Variants in PCDHB6 observed in about 807,000 individuals in gnomAD.
PCDHB6 encodes protocadherin beta-6.
For missense variants in PCDHB6, 1,137 were observed against 1,010.1 expected (o/e 1.13, Z -1.70); for synonymous variants, 506 against 459.0 (o/e 1.10, Z -1.31).
In PCDHB6 at chr5:141,150,337, C is replaced by G; in HGVS notation, c.80C>G (p.Ser27Cys). The change falls in exon 1 of 1, where the codon TCT (serine) becomes TGT (cysteine). Residue 27 changes from serine (S) to cysteine (C), a missense_variant. Transcript: ENST00000231136. Reference protein sequence around the residue: ...ILLMLWGEVGSESIQYSVLEE... With the variant: ...ILLMLWGEVGCESIQYSVLEE... ...TTGATGCTTTGGGGAGAGGTGGGTTCTGAATCGATTCAGTATTCCGTATTG... is the reference window on the plus strand; with the variant it reads ...TTGATGCTTTGGGGAGAGGTGGGTTGTGAATCGATTCAGTATTCCGTATTG... 6.2e-7 allele frequency: 1 copy of G among 1,614,092 alleles called. No homozygotes were observed. The highest frequency in any genetic ancestry group is 8.5e-7 in the Non-Finnish European group (1 of 1,180,020).
At position 141,151,155 on chromosome 5, in the gene PCDHB6, C is replaced by T. The variant is rs202105832; in HGVS notation, c.898C>T (p.Arg300Trp). 185 of 1,614,166 alleles carry T rather than the reference C, an allele frequency of 1.1e-4. 1 individual carries two copies. In the South Asian group the frequency reaches 1.9e-3, roughly 17 times the overall value. ...FEINAITGEIRLRKALDFEEI... is the reference protein window; with the variant it reads ...FEINAITGEIWLRKALDFEEI... ...AATAAACGCAATCACAGGAGAAATT[C>T]GGCTGAGAAAGGCTTTGGATTTTGA... The change falls in exon 1 of 1, where the codon CGG (arginine) becomes TGG (tryptophan). Residue 300 changes from arginine to tryptophan, a missense_variant. Transcript: ENST00000231136.
chr5:141,151,870 C>T lies in PCDHB6; in HGVS notation c.1613C>T (p.Ala538Val), dbSNP rs781822480. The T allele has an allele frequency of 6.2e-7, 1 of 1,612,038 alleles. No individual in the cohort carries two copies. Among genetic ancestry groups the T allele is most frequent in the Non-Finnish European group, 8.5e-7 (1 of 1,179,834 alleles). Residue 538 changes from alanine (A) to valine (V), a missense_variant, in exon 1 of 1, where the codon GCG (alanine) becomes GTG (valine). By Grantham distance (64) the Ala-to-Val change is moderately conservative. Transcript: ENST00000231136. ...GGCGCCACAGACCGCGGCTCCCCGG[C>T]GTTGAGCAGCGAGGCGCTGGTGCGC... ...RVGATDRGSP[A>V]LSSEALVRLL...
chr5:141,150,983 T>C lies in PCDHB6; in HGVS notation c.726T>C (p.Ala242=). 4 of 1,614,032 alleles carry C rather than the reference T, an allele frequency of 2.5e-6. No homozygotes were observed. The highest frequency in any genetic ancestry group is 2.5e-6 in the Non-Finnish European group (3 of 1,180,024). The part of the protein sequence containing the change: ...LDINDNVPEF[A]QELYEAQVPE... ...TCAATGACAACGTCCCCGAGTTTGC[T>C]CAGGAGCTCTATGAAGCACAAGTCC... is the stretch of plus-strand genomic sequence containing the variant. The change falls in exon 1 of 1, where the codon GCT becomes GCC. Residue 242 remains alanine (A), a synonymous_variant. Transcript: ENST00000231136.
Position 141,151,538 on chromosome 5 carries a change from A to C in PCDHB6, c.1281A>C (p.Pro427=). 2.5e-6 allele frequency: 4 copies of C among 1,614,172 alleles called. No individual in the cohort carries two copies. The highest frequency in any genetic ancestry group is 1.1e-5 in the South Asian group (1 of 91,080). Residue 427 remains proline, a synonymous_variant, in exon 1 of 1, where the codon CCA becomes CCC. Transcript: ENST00000231136. ...TCACGGTCACTGATTTGGGGACACC[A>C]AGGCTGAAAACCCAGCAGAGCATAA... ...ITITVTDLGT[P]RLKTQQSITV...
Position 141,151,633 on chromosome 5 carries a change from G to C in PCDHB6, c.1376G>C (p.Arg459Pro), listed in dbSNP as rs199646293. Residue 459 changes from arginine (R) to proline (P), a missense_variant, in exon 1 of 1, where the codon CGC becomes CCC. Physicochemically the swap from Arg to Pro is moderately radical, Grantham distance 103. Transcript: ENST00000231136. ...FTQTSYTLFV[R>P]ENNSPALHIG... ...CAAACCTCCTACACCCTGTTCGTCC[G>C]CGAGAACAACAGCCCCGCCCTGCAC... 6.2e-7 allele frequency: 1 copy of C among 1,613,590 alleles called. No homozygotes were observed.
chr5:141,150,989 G>A lies in PCDHB6; in HGVS notation c.732G>A (p.Glu244=). 6.2e-7 allele frequency: 1 copy of A among 1,614,144 alleles called. No homozygotes were observed. The highest frequency in any genetic ancestry group is 8.5e-7 in the Non-Finnish European group (1 of 1,180,024). The change falls in exon 1 of 1, where the codon GAG becomes GAA. Residue 244 remains glutamate (E), a synonymous_variant. Coordinates refer to ENST00000231136, the MANE Select transcript of PCDHB6 (RefSeq NM_018939.4). ...ACAACGTCCCCGAGTTTGCTCAGGA[G>A]CTCTATGAAGCACAAGTCCCTGAGA... ...INDNVPEFAQ[E]LYEAQVPENN... is the part of the protein sequence containing the mutation.
chr5:141,150,831 G>C lies in PCDHB6; in HGVS notation c.574G>C (p.Glu192Gln). The change falls in exon 1 of 1, where the codon GAG becomes CAG. Residue 192 changes from glutamate to glutamine, a missense_variant. Transcript: ENST00000231136. ...RNRSEGRKFP[E>Q]LVLDKPLDRE... ...TCGCAGCGAAGGCAGGAAGTTCCCG[G>C]AGCTGGTGCTAGACAAACCGTTGGA... is the stretch of plus-strand genomic sequence containing the variant. 6.2e-7 allele frequency: 1 copy of C among 1,614,200 alleles called. No homozygotes were observed. The highest frequency in any genetic ancestry group is 1.1e-5 in the South Asian group (1 of 91,082).
At position 141,152,632 on chromosome 5, in the gene PCDHB6, C is replaced by A. The variant is rs371568945; in HGVS notation, c.2375C>A (p.Pro792Gln). ...EETPTSRNSFPFS is the reference protein window; with the variant it reads ...EETPTSRNSFQFS ...ACCCCCACCTCTCGGAATAGCTTCC[C>A]GTTCAGTTAAGTGTGGGATTATTTT... The change falls in exon 1 of 1, where the codon CCG becomes CAG. Residue 792 changes from proline (P) to glutamine (Q), a missense_variant. Transcript: ENST00000231136. The A allele has an allele frequency of 1.3e-6, 2 of 1,592,174 alleles. No homozygotes were observed. The highest frequency in any genetic ancestry group is 1.4e-5 in the African/African-American group (1 of 73,910).
chr5:141,152,159 C>T lies in PCDHB6; in HGVS notation c.1902C>T (p.Ala634=), dbSNP rs1306121273. The T allele has an allele frequency of 1.2e-6, 2 of 1,608,122 alleles. No individual in the cohort carries two copies. Among genetic ancestry groups the T allele is most frequent in the African/African-American group, 1.3e-5 (1 of 74,796 alleles). The change falls in exon 1 of 1, where the codon GCC becomes GCT. Residue 634 remains alanine, a synonymous_variant. Coordinates refer to ENST00000231136, the MANE Select transcript of PCDHB6 (RefSeq NM_018939.4). ...GGCTGCTGAGCGAGCGAGACGCAGCCAAGCACAGGCTGGTGGTGCTTGTCA... is the reference window on the plus strand; with the variant it reads ...GGCTGCTGAGCGAGCGAGACGCAGCTAAGCACAGGCTGGTGGTGCTTGTCA... The part of the protein sequence containing the change: ...TARLLSERDA[A]KHRLVVLVKD...
At position 141,152,096 on chromosome 5, in the gene PCDHB6, C is replaced by T. The variant is rs528095699; in HGVS notation, c.1839C>T (p.Phe613=). Residue 613 remains phenylalanine, a synonymous_variant, in exon 1 of 1, where the codon TTC becomes TTT. Transcript: ENST00000231136. ...QLLKATELGL[F]GVWAHNGEVR... ...TCAAGGCCACGGAGCTCGGTCTGTTCGGCGTGTGGGCGCACAATGGCGAGG... is the reference window on the plus strand; with the variant it reads ...TCAAGGCCACGGAGCTCGGTCTGTTTGGCGTGTGGGCGCACAATGGCGAGG... The T allele has an allele frequency of 1.2e-6, 2 of 1,606,722 alleles. No homozygotes were observed. Among genetic ancestry groups the T allele is most frequent in the South Asian group, 1.1e-5 (1 of 90,966 alleles).
Position 141,152,019 on chromosome 5 carries a change from G to A in PCDHB6, c.1762G>A (p.Val588Met), listed in dbSNP as rs1752889160. Residue 588 changes from valine to methionine, a missense_variant, in exon 1 of 1, where the codon GTG (valine) becomes ATG (methionine). Val to Met is a conservative substitution (Grantham distance 21). Coordinates refer to ENST00000231136, the MANE Select transcript of PCDHB6 (RefSeq NM_018939.4). ...AEPGYLVTKV[V>M]AVDGDSGQNA... Reference sequence around the variant, plus strand: ...GCCGGGCTACCTGGTGACCAAGGTGGTGGCGGTGGACGGCGACTCGGGCCA... The same window carrying A: ...GCCGGGCTACCTGGTGACCAAGGTGATGGCGGTGGACGGCGACTCGGGCCA... 4 of 1,608,552 alleles carry A rather than the reference G, an allele frequency of 2.5e-6. No individual in the cohort carries two copies. Among genetic ancestry groups the A allele is most frequent in the Non-Finnish European group, 3.4e-6 (4 of 1,179,366 alleles).
rs782033966 is a variant in PCDHB6 at position 141,150,549 on chromosome 5, A to G, written c.292A>G (p.Thr98Ala). 2.5e-6 allele frequency: 4 copies of G among 1,614,150 alleles called. No individual in the cohort carries two copies. The highest frequency in any genetic ancestry group is 3.4e-6 in the Non-Finnish European group (4 of 1,179,978). The change falls in exon 1 of 1, where the codon ACT (threonine) becomes GCT (alanine). Residue 98 changes from threonine (T) to alanine (A), a missense_variant. Physicochemically the swap from Thr to Ala is moderately conservative, Grantham distance 58. Transcript: ENST00000231136. ...GGACCGGGAGGAGCTGTGTGGCTCC[A>G]CTGAGCCGTGTGTGCTACCTTTCCA... The part of the protein sequence containing the change: ...KLDREELCGS[T>A]EPCVLPFQVL...
At position 141,151,700 on chromosome 5, in the gene PCDHB6, C is replaced by T. The variant is rs782588902; in HGVS notation, c.1443C>T (p.Asn481=). The change falls in exon 1 of 1, where the codon AAC becomes AAT. Residue 481 remains asparagine (N), a synonymous_variant. Coordinates refer to ENST00000231136, the MANE Select transcript of PCDHB6 (RefSeq NM_018939.4). ...VSATDRDSGI[N]AQVTYSLLPP... ...CCACAGACAGAGACTCAGGCATCAA[C>T]GCCCAGGTCACCTACTCGCTGCTGC... 1 of 1,613,252 alleles carries T rather than the reference C, an allele frequency of 6.2e-7. No homozygotes were observed. Among genetic ancestry groups the T allele is most frequent in the Middle Eastern group, 1.9e-4 (1 of 5,256 alleles).
In PCDHB6 at chr5:141,151,565, T is replaced by A; in HGVS notation, c.1308T>A (p.Thr436=). 1 of 1,614,054 alleles carries A rather than the reference T, an allele frequency of 6.2e-7. No individual in the cohort carries two copies. The highest frequency in any genetic ancestry group is 1.3e-5 in the African/African-American group (1 of 75,004). The change falls in exon 1 of 1, where the codon ACT becomes ACA. Residue 436 remains threonine, a synonymous_variant. Coordinates refer to ENST00000231136, the MANE Select transcript of PCDHB6 (RefSeq NM_018939.4). ...TPRLKTQQSI[T]VQVSDVNDNA... Reference sequence around the variant, plus strand: ...GGCTGAAAACCCAGCAGAGCATAACTGTGCAGGTCTCCGACGTCAATGACA... The same window carrying A: ...GGCTGAAAACCCAGCAGAGCATAACAGTGCAGGTCTCCGACGTCAATGACA...
chr5:141,151,391 G>A lies in PCDHB6; in HGVS notation c.1134G>A (p.Gln378=), dbSNP rs782060063. 3.1e-6 allele frequency: 5 copies of A among 1,614,070 alleles called. No individual in the cohort carries two copies. The highest frequency in any genetic ancestry group is 8.5e-7 in the Non-Finnish European group (1 of 1,180,022). ...VSDADSGHNQ[Q]VICSIENNLP... ...ATGCAGACTCTGGACATAACCAACA[G>A]GTTATTTGTTCAATAGAGAACAATC... Residue 378 remains glutamine, a synonymous_variant, in exon 1 of 1, where the codon CAG becomes CAA. Coordinates refer to ENST00000231136, the MANE Select transcript of PCDHB6 (RefSeq NM_018939.4).
At position 141,150,800 on chromosome 5, in the gene PCDHB6, C is replaced by T; in HGVS notation, c.543C>T (p.Thr181=). 6.2e-7 allele frequency: 1 copy of T among 1,614,210 alleles called. No homozygotes were observed. Among genetic ancestry groups the T allele is most frequent in the Non-Finnish European group, 8.5e-7 (1 of 1,180,042 alleles). The change falls in exon 1 of 1, where the codon ACC becomes ACT. Residue 181 remains threonine, a synonymous_variant. Transcript: ENST00000231136. Reference sequence around the variant, plus strand: ...CCAACCCTCACTTCCACGTTCTCACCCGCAATCGCAGCGAAGGCAGGAAGT... The same window carrying T: ...CCAACCCTCACTTCCACGTTCTCACTCGCAATCGCAGCGAAGGCAGGAAGT... ...ISSNPHFHVL[T]RNRSEGRKFP... is the part of the protein sequence containing the mutation.
At position 141,152,584 on chromosome 5, in the gene PCDHB6, G is replaced by A. The variant is rs17844444; in HGVS notation, c.2327G>A (p.Gly776Asp). The A allele has an allele frequency of 0.16, 250,441 of 1,613,128 alleles. 20,844 individuals carry two copies. The highest frequency in any genetic ancestry group is 0.19 in the Middle Eastern group (1,155 of 6,056). ...ATTATGCCCAACTTCCCTCCTCAGGGCACTGAGAGAGAAATGGAAGAAACC... is the reference window on the plus strand; with the variant it reads ...ATTATGCCCAACTTCCCTCCTCAGGACACTGAGAGAGAAATGGAAGAAACC... ...KPIMPNFPPQGTEREMEETPT... is the reference protein window; with the variant it reads ...KPIMPNFPPQDTEREMEETPT... Residue 776 changes from glycine to aspartate, a missense_variant, in exon 1 of 1, where the codon GGC (glycine) becomes GAC (aspartate). Transcript: ENST00000231136.
rs1479599166 is a variant in PCDHB6, at chr5:141,152,649, G to C, written c.*7G>C. ...TAGCTTCCCGTTCAGTTAAGTGTGG[G>C]ATTATTTTACTAAATCTTACTTATG... On this transcript the variant is annotated 3_prime_UTR_variant, in exon 1 of 1. Coordinates refer to ENST00000231136, the MANE Select transcript of PCDHB6 (RefSeq NM_018939.4). The C allele has an allele frequency of 6.4e-7, 1 of 1,557,632 alleles. No individual in the cohort carries two copies. The highest frequency in any genetic ancestry group is 8.7e-7 in the Non-Finnish European group (1 of 1,151,972).
Position 141,150,789 on chromosome 5 carries a change from C to T in PCDHB6, c.532C>T (p.His178Tyr). 6.2e-7 allele frequency: 1 copy of T among 1,614,236 alleles called. No individual in the cohort carries two copies. The highest frequency in any genetic ancestry group is 8.5e-7 in the Non-Finnish European group (1 of 1,180,052). The change falls in exon 1 of 1, where the codon CAC becomes TAC. Residue 178 changes from histidine (H) to tyrosine (Y), a missense_variant. Transcript: ENST00000231136. ...RYTISSNPHFHVLTRNRSEGR... is the reference protein window; with the variant it reads ...RYTISSNPHFYVLTRNRSEGR... Reference sequence around the variant, plus strand: ...CACAATCAGCTCCAACCCTCACTTCCACGTTCTCACCCGCAATCGCAGCGA... The same window carrying T: ...CACAATCAGCTCCAACCCTCACTTCTACGTTCTCACCCGCAATCGCAGCGA...
Sources: gnomAD v4.1 joint callset for allele counts on GRCh38, gnomAD v4.1.1 for gene constraint, MANE v1.5 for transcripts, NCBI Gene and HGNC (gene_info 2026-07-23, HGNC 2026-07-21) for gene names.